Variants in RNF212 observed in about 807,000 individuals in gnomAD.
RNF212 encodes the protein probable E3 SUMO-protein ligase RNF212.
In RNF212, 33 loss-of-function variants were observed where a neutral mutation model predicts 34.7. That is an observed-to-expected ratio of 0.95 (90% CI 0.72 to 1.27). The LOEUF is 1.27. RNF212 is among the 50% of genes most tolerant of loss of function. The pLI is 0.00. For synonymous variants in RNF212, 140 were observed against 136.1 expected (o/e 1.03, Z -0.20); for missense variants, 377 against 362.2 (o/e 1.04, Z -0.33).
At chr4:1,076,382 A>G (rs1171538415) in intron 8 of RNF212, among the ~76,000 whole-genome samples, 1 of 152,214 alleles carries the variant, frequency 6.6e-6, no homozygotes, top group Non-Finnish European at 1.5e-5. Context: ...AGTCCACCCA[A>G]TGAGAGACCC....
intron 5 of RNF212, among the ~76,000 whole-genome samples, chr4:1,085,167 G>C (rs76115034): frequency 1.3e-5 from 2 of 152,234 alleles, no homozygotes; most frequent in East Asian, 3.8e-4. Flanking sequence ...AACGCGTCTC[G>C]TAGAATCTAA....
Position 1,113,371 on chromosome 4 carries a change from C to G in RNF212, c.94G>C (p.Ala32Pro). 1 of 1,566,524 alleles carries G rather than the reference C, an allele frequency of 6.4e-7. No individual in the cohort carries two copies. Among genetic ancestry groups the G allele is most frequent in the Non-Finnish European group, 8.6e-7 (1 of 1,158,140 alleles). ...AAGCCCTGACCTTTGCCGAGGCAGG[C>G]GTCGCAGTACACGTGCCCGCAGTTG... ...LTNCGHVYCD[A>P]CLGKGKKNEC... Residue 32 changes from alanine to proline, a missense_variant, in exon 1 of 10, where the codon GCC (alanine) becomes CCC (proline). Transcript: ENST00000433731.
chr4:1,081,838 T>C, intron 5 of RNF212: 1 of 546,502 alleles, frequency 1.8e-6, no homozygotes. Context: ...AACACCCCAC[T>C]GCCATTTACA....
intron 1 of RNF212, among the ~76,000 whole-genome samples, chr4:1,110,748 C>T (rs1203739631): frequency 6.6e-6 from 1 of 152,156 alleles, no homozygotes; most frequent in Admixed American, 6.5e-5. Flanking sequence ...AGTGACACAC[C>T]ACTGGACAGC....
chr4:1,107,139 T>G (rs1724957260), intron 2 of RNF212: 1 of 151,676 alleles, frequency 6.6e-6, no homozygotes. Flanking sequence ...ACAGCCTCTG[T>G]CTCCTGGGTT....
In RNF212 at chr4:1,079,063, C is replaced by A. The variant is rs369816429; in HGVS notation, c.510+580G>T. 2.2e-4 allele frequency among the ~76,000 whole-genome samples: 34 copies of A among 151,860 alleles called. 1 individual carries two copies. The South Asian group carries it at 5.7e-3, about 25-fold the overall frequency. On this transcript the variant is annotated intron_variant, in intron 8 of 9. Coordinates refer to ENST00000433731, the MANE Select transcript of RNF212 (RefSeq NM_001131034.4). ...CAACATAGAGTCAACACAGGACCAACATGGGACCAACACAGGGTCAACACA... is the reference window on the plus strand; with the variant it reads ...CAACATAGAGTCAACACAGGACCAAAATGGGACCAACACAGGGTCAACACA...
chr4:1,090,558 C>A (rs914497090), intron 4 of RNF212, among the ~76,000 whole-genome samples: 1 of 152,142 alleles, frequency 6.6e-6, no homozygotes, highest in South Asian at 2.1e-4. Context: ...GAGGCCCATG[C>A]GGTGCTGCAC....
chr4:1,088,718 C>T (rs557252720), intron 4 of RNF212, among the ~76,000 whole-genome samples: 1 of 152,318 alleles, frequency 6.6e-6, no homozygotes, highest in East Asian at 1.9e-4. Flanking sequence ...GGCCCCCTGC[C>T]CAACTCTCGT....
chr4:1,093,758 T>C, intron 3 of RNF212: 2 of 1,536,190 alleles, frequency 1.3e-6, no homozygotes, highest in South Asian at 1.2e-5. Context: ...CCAAGGGGAC[T>C]TGGTGTGAAT....
intron 3 of RNF212, chr4:1,093,743 T>C (rs615381): frequency 0.11 from 165,707 of 1,536,132 alleles, 13,254 homozygotes; most frequent in African/African-American, 0.43. Context: ...AAGCAACTTC[T>C]GGCCCCAAGG....
At chr4:1,100,331 C>T (rs1723764796) in intron 2 of RNF212, 1 of 212,046 alleles carries the variant, frequency 4.7e-6, no homozygotes, top group African/African-American at 2.4e-5. Context: ...TGGTCCTTTT[C>T]ACACAGTGCA....
chr4:1,081,423 C>T lies in RNF212; in HGVS notation c.460G>A (p.Asp154Asn), dbSNP rs781502373. The change falls in exon 7 of 10, where the codon GAC becomes AAC. Residue 154 changes from aspartate to asparagine, a missense_variant. By Grantham distance (23) the Asp-to-Asn change is conservative. Coordinates refer to ENST00000433731, the MANE Select transcript of RNF212 (RefSeq NM_001131034.4). ...CLLPPHSSAP[D>N]RLESMEVDLS... is the part of the protein sequence containing the mutation. ...TTCTGCAAGCAACCCACACACCTGTCGGGGGCTGATGAGTGAGGTGGCAGC... is the reference window on the plus strand; with the variant it reads ...TTCTGCAAGCAACCCACACACCTGTTGGGGGCTGATGAGTGAGGTGGCAGC... 8.7e-6 allele frequency: 14 copies of T among 1,613,452 alleles called. No individual in the cohort carries two copies. In the African/African-American group the frequency reaches 9.4e-5, roughly 11 times the overall value.
intron 2 of RNF212, among the ~76,000 whole-genome samples, chr4:1,102,981 A>T (rs1315366223): frequency 3.6e-5 from 2 of 55,736 alleles, no homozygotes; most frequent in East Asian, 3.1e-3. Flanking sequence ...TCTCTACTAA[A>T]AAAATACAAA....
Position 1,093,533 on chromosome 4 carries a change from G to T in RNF212, c.247-2695C>A, listed in dbSNP as rs907863236. 2.6e-6 allele frequency: 4 copies of T among 1,510,222 alleles called. No individual in the cohort carries two copies. The Admixed American group carries it at 6.2e-5, about 23-fold the overall frequency. 93.6% of individuals were successfully genotyped at this position (1,510,222 alleles called of 1,614,324 possible). ...TGGGGCCACGAGGTCACTGGGCAGAGCCTGTGACCTCCACGGCCCATGCCG... is the reference window on the plus strand; with the variant it reads ...TGGGGCCACGAGGTCACTGGGCAGATCCTGTGACCTCCACGGCCCATGCCG... On this transcript the variant is annotated intron_variant, in intron 3 of 9. Transcript: ENST00000433731.
At chr4:1,073,704 T>C (rs751408717) in intron 8 of RNF212, 42 bp from the exon 9 acceptor site, 9 of 1,414,836 alleles carry the variant, frequency 6.4e-6, no homozygotes, top group Middle Eastern at 1.8e-4. Context: ...ATTCCAATAT[T>C]GCGGCTTACG....
chr4:1,073,422 C>T (rs1476969278), intron 9 of RNF212, among the ~76,000 whole-genome samples, 177 bp downstream of exon 9: 2 of 152,062 alleles, frequency 1.3e-5, no homozygotes, highest in African/African-American at 4.8e-5. Context: ...AGGAGCTTCT[C>T]CCTGGAAGGA....
At chr4:1,073,995 T>C (rs1260254414) in intron 8 of RNF212, among the ~76,000 whole-genome samples, 1 of 152,210 alleles carries the variant, frequency 6.6e-6, no homozygotes, top group Non-Finnish European at 1.5e-5. Context: ...TGTGAAATTC[T>C]GAGTAAATCA....
At chr4:1,092,897 C>T (rs1722418305) in intron 3 of RNF212, among the ~76,000 whole-genome samples, 1 of 152,258 alleles carries the variant, frequency 6.6e-6, no homozygotes, top group Non-Finnish European at 1.5e-5. Context: ...TGGTCCGGAG[C>T]ACACTTCTCA....
At chr4:1,093,385 C>A in intron 3 of RNF212, 3 of 1,033,352 alleles carry the variant, frequency 2.9e-6, no homozygotes, top group Non-Finnish European at 2.6e-6. Flanking sequence ...TAACAAATGC[C>A]AATATTTATG....
Sources: gnomAD v4.1 joint callset for allele counts (sites outside exome capture counted in the v4.1 genomes callset) on GRCh38, gnomAD v4.1.1 for gene constraint, MANE v1.5 for transcripts, NCBI Gene and HGNC (gene_info 2026-07-23, HGNC 2026-07-21) for gene names.